The following SIPA1L2 variants were observed in gnomAD, a reference collection of about 807,000 sequenced individuals.
The protein encoded by SIPA1L2 is signal-induced proliferation-associated 1-like protein 2.
A neutral mutation model predicts 163.9 loss-of-function variants in SIPA1L2; 56 were observed. That is an observed-to-expected ratio of 0.34 (90% CI 0.28 to 0.43). The LOEUF is 0.43. SIPA1L2 is among the 20% of genes least tolerant of loss of function. The pLI, the probability that SIPA1L2 is intolerant of heterozygous loss-of-function variation, is 1.00. For missense variants in SIPA1L2, 1,974 were observed against 2,193.5 expected, an observed-to-expected ratio of 0.90 and a Z score of 2.00; for synonymous variants, 877 against 865.7, an observed-to-expected ratio of 1.01 and a Z score of -0.23.
At chr1:232,525,112 T>C (rs1050699202) in intron 2 of SIPA1L2, among the ~76,000 whole-genome samples, 25 of 152,104 alleles carry the variant, frequency 1.6e-4, no homozygotes, top group African/African-American at 6.0e-4. Flanking sequence ...AAATGGATAT[T>C]AACATTGAAT....
At chr1:232,472,499 A>G (rs974087972) in intron 7 of SIPA1L2, among the ~76,000 whole-genome samples, 13 of 152,238 alleles carry the variant, frequency 8.5e-5, no homozygotes, top group African/African-American at 2.4e-4. Flanking sequence ...GACACATCAC[A>G]TTATGCATTA....
chr1:232,489,807 G>A (rs12749578), intron 5 of SIPA1L2, among the ~76,000 whole-genome samples: 38,934 of 151,972 alleles, frequency 0.26, 5,122 homozygotes, highest in Admixed American at 0.35. Flanking sequence ...AAATCCACTG[G>A]TTTAAAATAA....
chr1:232,449,332 CAT>C (rs1663413008), intron 10 of SIPA1L2, among the ~76,000 whole-genome samples: 2 of 151,042 alleles, frequency 1.3e-5, no homozygotes, highest in Non-Finnish European at 3.0e-5. Context: ...TCCTGGCTAA[CAT>C]GGTGAAACCC....
intron 1 of SIPA1L2, among the ~76,000 whole-genome samples, chr1:232,585,896 T>A (rs1660630123): frequency 6.6e-6 from 1 of 152,122 alleles, no homozygotes; most frequent in African/African-American, 2.4e-5. Flanking sequence ...ATTAAATAGT[T>A]CACAGCTTGA....
rs183999636 is a variant in SIPA1L2, at chr1:232,483,202, C to T, written c.1981+590G>A. Reference sequence around the variant, plus strand: ...GCCACTGTACAGCTAGTAGGTGTCCCACTCAAGGGGATCTAAATAAAATCC... The same window carrying T: ...GCCACTGTACAGCTAGTAGGTGTCCTACTCAAGGGGATCTAAATAAAATCC... On this transcript the variant is annotated intron_variant, in intron 6 of 22. Coordinates refer to ENST00000674635, the MANE Select transcript of SIPA1L2 (RefSeq NM_020808.5). 2.0e-5 allele frequency among the ~76,000 whole-genome samples: 3 copies of T among 151,896 alleles called. No individual in the cohort carries two copies. The East Asian group carries it at 5.8e-4, about 29-fold the overall frequency.
Position 232,513,702 on chromosome 1 carries a change from C to A in SIPA1L2, c.1483+155G>T, listed in dbSNP as rs562673903. Among the ~76,000 whole-genome samples the A allele has an allele frequency of 2.0e-5, 3 of 152,294 alleles. No homozygotes were observed. The East Asian group carries it at 5.8e-4, about 29-fold the overall frequency. ...TCTAAAGAAAAAATTAGCCTGGAAG[C>A]TATGGAGGGACCATGATGGAGAACA... is the stretch of plus-strand genomic sequence containing the variant. On this transcript the variant is annotated intron_variant, in intron 3 of 22. Transcript: ENST00000674635.
intron 11 of SIPA1L2, 22 bp downstream of exon 11, chr1:232,445,507 G>A (rs969206912): frequency 1.9e-6 from 3 of 1,612,940 alleles, no homozygotes; most frequent in Non-Finnish European, 2.5e-6. Flanking sequence ...GGCCCCCCTT[G>A]AGGAAACGGA....
At chr1:232,412,316 G>A (rs566956753) in intron 19 of SIPA1L2, among the ~76,000 whole-genome samples, 6 of 152,216 alleles carry the variant, frequency 3.9e-5, no homozygotes, top group African/African-American at 1.2e-4. Flanking sequence ...CAATAGGCAG[G>A]TAAATTCCAT....
At chr1:232,588,347 T>C (rs972565089) in intron 1 of SIPA1L2, among the ~76,000 whole-genome samples, 5 of 152,228 alleles carry the variant, frequency 3.3e-5, no homozygotes, top group African/African-American at 1.2e-4. Context: ...AACAGTAAGA[T>C]TAAGCTTTTA....
chr1:232,442,396 A>G (rs1662956051), intron 12 of SIPA1L2, among the ~76,000 whole-genome samples: 1 of 151,912 alleles, frequency 6.6e-6, no homozygotes, highest in Non-Finnish European at 1.5e-5. Flanking sequence ...AAAAATACAA[A>G]AATTAGCCAG....
Position 232,565,445 on chromosome 1 carries a change from G to A in SIPA1L2, c.-270+8729C>T, listed in dbSNP as rs540397984. The stretch of plus-strand genomic sequence containing the variant: ...GTGCCTGCTCAACTATTGACTGTGA[G>A]ACCTGGACAAGTCCCTTAGGCATCT... On this transcript the variant is annotated intron_variant, in intron 2 of 22. Transcript: ENST00000674635. 1.1e-4 allele frequency among the ~76,000 whole-genome samples: 16 copies of A among 152,284 alleles called. No individual in the cohort carries two copies. In the South Asian group the frequency reaches 1.4e-3, roughly 14 times the overall value.
At chr1:232,426,345 A>G (rs1017045462) in intron 17 of SIPA1L2, among the ~76,000 whole-genome samples, 4 of 152,196 alleles carry the variant, frequency 2.6e-5, no homozygotes, top group African/African-American at 4.8e-5. Context: ...GCAGTCCAAT[A>G]AAGTCTTACT....
At chr1:232,490,488 C>T (rs1423548259) in intron 5 of SIPA1L2, among the ~76,000 whole-genome samples, 2 of 152,156 alleles carry the variant, frequency 1.3e-5, no homozygotes, top group Non-Finnish European at 2.9e-5. Context: ...GCTGTTCACA[C>T]CCATCTGTCA....
In SIPA1L2 at chr1:232,432,401, C is replaced by T. The variant is rs375434346; in HGVS notation, c.4102G>A (p.Val1368Ile). ...CCGCTGCTGTGAGACACGATGTAGA[C>T]TTTGGATGAATCCAGAGACCCACTA... ...KSSGSLDSSK[V>I]YIVSHSSGQQ... Residue 1368 changes from valine to isoleucine, a missense_variant, in exon 16 of 23, where the codon GTC becomes ATC. By Grantham distance (29) the Val-to-Ile change is conservative. Around this residue, in one of 3 missense-constraint regions of SIPA1L2, gnomAD observed 1,079 missense variants for 1,150.7 expected, o/e 0.94. Coordinates refer to ENST00000674635, the MANE Select transcript of SIPA1L2 (RefSeq NM_020808.5). 11 of 1,614,124 alleles carry T rather than the reference C, an allele frequency of 6.8e-6. No homozygotes were observed. In the African/African-American group the frequency reaches 1.3e-4, roughly 20 times the overall value.
chr1:232,500,008 C>T (rs111686167), intron 3 of SIPA1L2, among the ~76,000 whole-genome samples: 9 of 151,920 alleles, frequency 5.9e-5, no homozygotes, highest in African/African-American at 1.9e-4. Context: ...GACGGAGTCT[C>T]GCTCTGTTGC....
chr1:232,611,309 G>A (rs182429543), intron 1 of SIPA1L2, among the ~76,000 whole-genome samples: 10 of 152,260 alleles, frequency 6.6e-5, no homozygotes, highest in African/African-American at 2.2e-4. Flanking sequence ...CCAGTAGAGT[G>A]GGGCGTTGCT....
chr1:232,403,550 C>T lies in SIPA1L2; in HGVS notation c.4838G>A (p.Cys1613Tyr), dbSNP rs766075456. The change falls in exon 21 of 23, where the codon TGC becomes TAC. Residue 1613 changes from cysteine (C) to tyrosine (Y), a missense_variant. Cys to Tyr is a radical substitution (Grantham distance 194). This residue lies in a region of SIPA1L2 where 1,079 missense variants were observed against 1,150.7 expected (regional missense o/e 0.94). Transcript: ENST00000674635. ...CCCATGCTGCATATCTGTCAGGGTG[C>T]AGAAGGATGCCACCCTCTGGTCTGG... ...SYLDQRVASF[C>Y]TLTDMQHGQD... 8 of 1,613,700 alleles carry T rather than the reference C, an allele frequency of 5.0e-6. No individual in the cohort carries two copies. Among genetic ancestry groups the T allele is most frequent in the Non-Finnish European group, 6.8e-6 (8 of 1,179,804 alleles).
intron 3 of SIPA1L2, among the ~76,000 whole-genome samples, chr1:232,504,190 A>T (rs1666612813): frequency 1.3e-5 from 2 of 151,656 alleles, no homozygotes; most frequent in South Asian, 4.2e-4. Flanking sequence ...AGATGGAGTG[A>T]GACTCCATCT....
intron 19 of SIPA1L2, among the ~76,000 whole-genome samples, chr1:232,404,568 G>A (rs145857456): frequency 1.0e-3 from 156 of 152,294 alleles, no homozygotes; most frequent in African/African-American, 3.6e-3. Context: ...TATAGCAGTA[G>A]CACCAATGAT....
Sources: allele counts gnomAD v4.1 joint callset (sites outside exome capture counted in the v4.1 genomes callset), GRCh38; gene constraint gnomAD v4.1.1; regional missense constraint gnomAD v4.1.1; transcripts MANE v1.5; gene names NCBI Gene and HGNC (gene_info 2026-07-23, HGNC 2026-07-21).